The following EML5 variants were observed in gnomAD, a reference collection of about 807,000 sequenced individuals.
EML5 encodes echinoderm microtubule-associated protein-like 5.
A neutral mutation model predicts 250.0 loss-of-function variants in EML5; 120 were observed. The ratio of observed to expected loss-of-function variants is 0.48; its 90% CI spans 0.41 to 0.56. The LOEUF (loss-of-function observed/expected upper bound fraction) is 0.56, where lower values mean the gene tolerates loss of function less well. Ranked by LOEUF, EML5 falls within the 20% of genes least tolerant of loss-of-function variation. The pLI is 0.00. For synonymous variants in EML5, 771 were observed against 806.5 expected (o/e 0.96, Z 0.75); for missense variants, 2,006 against 2,437.6 (o/e 0.82, Z 3.73).
intron 27 of EML5, among the ~76,000 whole-genome samples, chr14:88,650,862 A>T (rs1019040050): frequency 2.0e-5 from 3 of 152,090 alleles, no homozygotes; most frequent in African/African-American, 4.8e-5. Flanking sequence ...GGCTGGTGCT[A>T]AACACCTAGT....
intron 7 of EML5, among the ~76,000 whole-genome samples, chr14:88,733,952 T>C (rs934035423): frequency 6.6e-6 from 1 of 151,002 alleles, no homozygotes; most frequent in Non-Finnish European, 1.5e-5. Flanking sequence ...TTCAGCTATA[T>C]GAAAAATAAC....
intron 27 of EML5, 50 bp from the exon 28 acceptor site, chr14:88,649,976 T>C (rs1391649801): frequency 1.5e-6 from 2 of 1,374,664 alleles, no homozygotes; most frequent in Admixed American, 2.9e-5. Flanking sequence ...TAAAAATTGA[T>C]GATGAATAGA....
chr14:88,697,962 C>T (rs1049254686), intron 14 of EML5, among the ~76,000 whole-genome samples: 2 of 152,052 alleles, frequency 1.3e-5, no homozygotes, highest in African/African-American at 2.4e-5. Context: ...GTCTCAAACT[C>T]CCGACCTCAG....
At chr14:88,660,748 A>AAAAAAAG (rs112343449) in intron 25 of EML5, among the ~76,000 whole-genome samples, 56,105 of 146,110 alleles carry the variant, frequency 0.38, 12,575 homozygotes, top group African/African-American at 0.61. Context: ...TCTCAGGGAA[A>AAAAAAAG]AAAAAAGAAA....
chr14:88,617,900 T>C (rs1054500061), intron 41 of EML5: 7 of 175,752 alleles, frequency 4.0e-5, no homozygotes, highest in Non-Finnish European at 7.2e-5. Context: ...TTCCTTTAGA[T>C]AGAGAATTAA....
chr14:88,691,819 A>G (rs907039673), intron 17 of EML5, among the ~76,000 whole-genome samples: 16 of 152,208 alleles, frequency 1.1e-4, no homozygotes, highest in African/African-American at 3.9e-4. Flanking sequence ...AAAAGTAAGG[A>G]AGGTTGAAAT....
intron 2 of EML5, among the ~76,000 whole-genome samples, chr14:88,749,134 C>G (rs1001553463): frequency 2.0e-5 from 3 of 152,154 alleles, no homozygotes; most frequent in Non-Finnish European, 4.4e-5. Flanking sequence ...AGACACATGG[C>G]AAACAAATTG....
At chr14:88,645,892 G>T (rs976573650) in intron 29 of EML5, among the ~76,000 whole-genome samples, 5 of 152,096 alleles carry the variant, frequency 3.3e-5, no homozygotes, top group Non-Finnish European at 5.9e-5. Flanking sequence ...AATGTGCCGT[G>T]TCCCAACAGG....
At chr14:88,735,227 T>C (rs2093821500) in intron 7 of EML5, among the ~76,000 whole-genome samples, 1 of 152,210 alleles carries the variant, frequency 6.6e-6, no homozygotes, top group South Asian at 2.1e-4. Context: ...GTAAAAGGCC[T>C]GAGAATTTGC....
Position 88,643,011 on chromosome 14 carries a change from C to G in EML5, c.4119G>C (p.Leu1373Phe). The G allele has an allele frequency of 6.3e-7, 1 of 1,591,502 alleles. No homozygotes were observed. The change falls in exon 31 of 44, where the codon TTG becomes TTC. Residue 1373 changes from leucine (L) to phenylalanine (F), a missense_variant. By Grantham distance (22) the Leu-to-Phe change is conservative. This residue lies in a region of EML5 where 1,375 missense variants were observed against 1,590.3 expected (regional missense o/e 0.86). Transcript: ENST00000554922. ...KKKRPIEDLV[L>F]ELIFGYRGRD... ...TGCCTCGATAACCAAAAATGAGCTC[C>G]AACACAAGGTCCTATAATGATAATA...
In EML5 at chr14:88,777,614, AAAT is replaced by A. The variant is rs1435362411; in HGVS notation, c.197+14690_197+14692del. On this transcript the variant is annotated intron_variant, in intron 1 of 43. Coordinates refer to ENST00000554922, the MANE Select transcript of EML5 (RefSeq NM_183387.3). ...GTAGAAAGACTAAATGAACCAATAA[AAAT>A]AATAACTACAACAACTTTTTAAGAC... is the stretch of plus-strand genomic sequence containing the variant. Among the ~76,000 whole-genome samples, 8 of 152,342 alleles carry A rather than the reference AAAT, an allele frequency of 5.3e-5. 1 individual carries two copies. The highest frequency in any genetic ancestry group is 1.9e-4 in the African/African-American group (8 of 41,578).
intron 1 of EML5, among the ~76,000 whole-genome samples, chr14:88,766,607 A>G (rs780110913): frequency 6.6e-5 from 10 of 152,092 alleles, no homozygotes; most frequent in Non-Finnish European, 1.3e-4. Flanking sequence ...TAGCAATTTT[A>G]ATTTCGCCCC....
intron 43 of EML5, 96 bp from the exon 44 acceptor site, chr14:88,615,950 T>C (rs2087544083): frequency 7.0e-7 from 1 of 1,421,412 alleles, no homozygotes; most frequent in Non-Finnish European, 9.6e-7. Context: ...GTTACATGTG[T>C]AATATTTTTC....
At chr14:88,634,899 A>G (rs541735319) in intron 32 of EML5, among the ~76,000 whole-genome samples, 20 of 152,342 alleles carry the variant, frequency 1.3e-4, no homozygotes, top group Non-Finnish European at 2.4e-4. Flanking sequence ...TCTTTCAACT[A>G]AAGATTTTCC....
intron 27 of EML5, among the ~76,000 whole-genome samples, chr14:88,652,953 T>G (rs1179137821): frequency 6.6e-6 from 1 of 152,210 alleles, no homozygotes; most frequent in Admixed American, 6.5e-5. Context: ...TTTCCATTTG[T>G]TTGTGTCCTC....
At chr14:88,705,044 C>T (rs2093290584) in intron 12 of EML5, 66 bp from the exon 13 acceptor site, 2 of 1,027,502 alleles carry the variant, frequency 1.9e-6, no homozygotes, top group Non-Finnish European at 2.8e-6. Context: ...TCGTATACTC[C>T]CAATATAACT....
At chr14:88,786,024 A>G (rs1002825786) in intron 1 of EML5, among the ~76,000 whole-genome samples, 2 of 152,142 alleles carry the variant, frequency 1.3e-5, no homozygotes, top group African/African-American at 4.8e-5. Flanking sequence ...CTTCAAGTTC[A>G]CTCTGCTCCA....
chr14:88,694,038 G>A (rs2093021651), intron 17 of EML5, among the ~76,000 whole-genome samples: 1 of 151,314 alleles, frequency 6.6e-6, no homozygotes, highest in African/African-American at 2.4e-5. Flanking sequence ...CTCCCAAAGT[G>A]CTGGGATTAT....
At chr14:88,731,506 G>A (rs963107488) in intron 7 of EML5, among the ~76,000 whole-genome samples, 6 of 152,014 alleles carry the variant, frequency 3.9e-5, no homozygotes, top group African/African-American at 1.5e-4. Context: ...CTTTGCTATT[G>A]TGAATAGTGC....
Sources: gnomAD v4.1 joint callset for allele counts (sites outside exome capture counted in the v4.1 genomes callset) on GRCh38, gnomAD v4.1.1 for gene constraint, gnomAD v4.1.1 regional missense constraint, MANE v1.5 for transcripts, NCBI Gene and HGNC (gene_info 2026-07-23, HGNC 2026-07-21) for gene names.